STK24: variants seen among roughly 807,000 people sequenced by gnomAD.
STK24 encodes the protein serine/threonine-protein kinase 24.
In STK24, 21 loss-of-function variants were observed where a neutral mutation model predicts 55.6. The ratio of observed to expected loss-of-function variants is 0.38; its 90% CI spans 0.27 to 0.54. The LOEUF is 0.54. STK24 is among the 20% of genes least tolerant of loss of function. STK24 has a pLI of 0.79. For missense variants in STK24, 383 were observed against 538.4 expected (o/e 0.71, Z 2.86); for synonymous variants, 200 against 215.2 (o/e 0.93, Z 0.62).
intron 2 of STK24, among the ~76,000 whole-genome samples, chr13:98,501,742 A>T (rs1895471666): frequency 6.6e-6 from 1 of 152,216 alleles, no homozygotes; most frequent in Non-Finnish European, 1.5e-5. Flanking sequence ...GACACTGGCC[A>T]ATCCTCATGT....
At chr13:98,576,078 C>G in intron 1 of STK24, 1 of 984,784 alleles carries the variant, frequency 1.0e-6, no homozygotes, top group South Asian at 4.7e-5. Context: ...GGGCCGGGCC[C>G]GGGACCCTGG....
Position 98,446,719 on chromosome 13 carries a change from C to T in STK24, c.*6454G>A. On this transcript the variant is annotated 3_prime_UTR_variant, in exon 11 of 11. Transcript: ENST00000539966. ...TGCTCGGCTACTCGCTCACCATCCC[C>T]TCTGAGTCCGAGAACATCCAGAAAG... 1 of 1,614,192 alleles carries T rather than the reference C, an allele frequency of 6.2e-7. No homozygotes were observed. Among genetic ancestry groups the T allele is most frequent in the Non-Finnish European group, 8.5e-7 (1 of 1,180,028 alleles).
intron 2 of STK24, among the ~76,000 whole-genome samples, chr13:98,494,823 C>T (rs1294556360): frequency 6.6e-6 from 1 of 152,202 alleles, no homozygotes; most frequent in Non-Finnish European, 1.5e-5. Context: ...ACATGCAAAT[C>T]CAAGGGCACC....
chr13:98,446,054 G>A lies in STK24; in HGVS notation c.*7119C>T, dbSNP rs1250326778. 1.5e-6 allele frequency: 2 copies of A among 1,344,940 alleles called. No homozygotes were observed. The highest frequency in any genetic ancestry group is 4.6e-5 in the East Asian group (2 of 43,552). 83.3% of individuals were successfully genotyped at this position (1,344,940 alleles called of 1,614,324 possible). A position where few individuals can be genotyped will look rare whatever the true frequency, so the allele number is the denominator to read the frequency against. The stretch of plus-strand genomic sequence containing the variant: ...AGAGCTGCTCTCTGTGCCCTCCTGG[G>A]GCAGGTGCCCGCTGTGCTTCTCACA... On this transcript the variant is annotated 3_prime_UTR_variant, in exon 11 of 11. Transcript: ENST00000539966.
At chr13:98,543,553 C>T (rs1228850840) in intron 1 of STK24, among the ~76,000 whole-genome samples, 1 of 152,154 alleles carries the variant, frequency 6.6e-6, no homozygotes, top group Non-Finnish European at 1.5e-5. Flanking sequence ...GCAGGTGAGG[C>T]CAGGGTGGGC....
At chr13:98,480,496 C>A (rs1447137767) in intron 3 of STK24, among the ~76,000 whole-genome samples, 2 of 152,046 alleles carry the variant, frequency 1.3e-5, no homozygotes, top group African/African-American at 4.8e-5. Context: ...GGAAAGGAAC[C>A]AAAATAAGTT....
rs9584850 is a variant in STK24, at chr13:98,449,172, G to C, written c.*4001C>G. On this transcript the variant is annotated 3_prime_UTR_variant, in exon 11 of 11. Transcript: ENST00000539966. ...ATCAGCACCATTTGTGGTATGTTCCGTGATGAGCGTTTAGTGAGCCTGCTG... is the reference window on the plus strand; with the variant it reads ...ATCAGCACCATTTGTGGTATGTTCCCTGATGAGCGTTTAGTGAGCCTGCTG... The C allele has an allele frequency of 0.26, 39,571 of 152,126 alleles. 5,312 individuals are homozygous for C. The highest frequency in any genetic ancestry group is 0.3 in the Non-Finnish European group (20,512 of 67,998). 9.4% of individuals were successfully genotyped at this position (152,126 alleles called of 1,614,324 possible).
At chr13:98,481,630 A>G (rs1190504973) in intron 3 of STK24, among the ~76,000 whole-genome samples, 1 of 152,162 alleles carries the variant, frequency 6.6e-6, no homozygotes, top group Non-Finnish European at 1.5e-5. Flanking sequence ...AGTAAATAGA[A>G]CCTGTTTCAG....
In STK24 at chr13:98,450,302, G is replaced by GAAAT. The variant is rs1489504993; in HGVS notation, c.*2867_*2870dup. ...GCCTTTGCTGACACATTTTATAGCA[G>GAAAT]AAATACACAAGCTGTTTTTAAAGGA... On this transcript the variant is annotated 3_prime_UTR_variant, in exon 11 of 11. Transcript: ENST00000539966. 2 of 152,168 alleles carry GAAAT rather than the reference G, an allele frequency of 1.3e-5. No homozygotes were observed. Among genetic ancestry groups the GAAAT allele is most frequent in the South Asian group, 2.1e-4 (1 of 4,828 alleles). 9.4% of individuals were successfully genotyped at this position (152,168 alleles called of 1,614,324 possible). A position where few individuals can be genotyped will look rare whatever the true frequency, so the allele number is the denominator to read the frequency against.
At chr13:98,563,815 G>A (rs908247426) in intron 1 of STK24, among the ~76,000 whole-genome samples, 12 of 151,114 alleles carry the variant, frequency 7.9e-5, no homozygotes, top group African/African-American at 2.4e-4. Context: ...AGCTGAGATC[G>A]CGCCACTGCA....
intron 7 of STK24, 96 bp from the exon 8 acceptor site, chr13:98,461,993 C>G: frequency 6.7e-7 from 1 of 1,495,252 alleles, no homozygotes; most frequent in Non-Finnish European, 9.1e-7. Context: ...GACCTCTAAA[C>G]CCACACCCAC....
At chr13:98,478,422 C>T (rs767966353) in intron 3 of STK24, among the ~76,000 whole-genome samples, 5 of 152,220 alleles carry the variant, frequency 3.3e-5, no homozygotes, top group Non-Finnish European at 7.3e-5. Context: ...CAGACAGGAG[C>T]AAATGTGCCC....
intron 1 of STK24, among the ~76,000 whole-genome samples, chr13:98,541,770 T>C (rs903026789): frequency 2.0e-5 from 3 of 152,194 alleles, no homozygotes; most frequent in African/African-American, 2.4e-5. Context: ...CATGACACTT[T>C]ACCCTTTTAC....
At chr13:98,454,416 C>T (rs902682905) in intron 10 of STK24, 1 of 152,314 alleles carries the variant, frequency 6.6e-6, no homozygotes, top group East Asian at 1.9e-4. Context: ...TTATCTCAAA[C>T]GTTCCAATCT....
chr13:98,448,013 C>T lies in STK24; in HGVS notation c.*5160G>A, dbSNP rs1240920241. The stretch of plus-strand genomic sequence containing the variant: ...AATGGAGCGGGCAGTGTCACTGCAG[C>T]AAGGTACTTCCAGCTCCACACTGAG... On this transcript the variant is annotated 3_prime_UTR_variant, in exon 11 of 11. Transcript: ENST00000539966. 1 of 579,254 alleles carries T rather than the reference C, an allele frequency of 1.7e-6. No homozygotes were observed. Among genetic ancestry groups the T allele is most frequent in the Middle Eastern group, 4.6e-4 (1 of 2,160 alleles). The allele number at this position is 579,254 out of a possible 1,614,324, so 35.9% of individuals were successfully genotyped here. A position where few individuals can be genotyped will look rare whatever the true frequency, so the allele number is the denominator to read the frequency against.
At chr13:98,536,347 ATTC>A (rs1453399209) in intron 1 of STK24, among the ~76,000 whole-genome samples, 3 of 151,306 alleles carry the variant, frequency 2.0e-5, no homozygotes, top group Non-Finnish European at 2.9e-5. Context: ...TCTGTTGCAT[ATTC>A]TTCTTCTATC....
intron 2 of STK24, among the ~76,000 whole-genome samples, chr13:98,518,332 T>TA (rs1371909745): frequency 1.3e-5 from 2 of 152,214 alleles, no homozygotes. Flanking sequence ...AGTTGTAACT[T>TA]AGAGACTTTA....
In STK24 at chr13:98,448,559, T is replaced by G. The variant is rs1199237728; in HGVS notation, c.*4614A>C. 10 of 515,256 alleles carry G rather than the reference T, an allele frequency of 1.9e-5. No individual in the cohort carries two copies. In the Middle Eastern group the frequency reaches 2.1e-3, roughly 108 times the overall value. The allele number at this position is 515,256 out of a possible 1,614,324, so 31.9% of individuals were successfully genotyped here. On this transcript the variant is annotated 3_prime_UTR_variant, in exon 11 of 11. Coordinates refer to ENST00000539966, the MANE Select transcript of STK24 (RefSeq NM_001032296.4). Reference sequence around the variant, plus strand: ...GCTGTTCTTTAGCTAGTGCCAGTATTAAAACATTGTCATTACGAGAGTGCC... The same window carrying G: ...GCTGTTCTTTAGCTAGTGCCAGTATGAAAACATTGTCATTACGAGAGTGCC...
intron 1 of STK24, among the ~76,000 whole-genome samples, chr13:98,538,371 C>T (rs1285513029): frequency 6.6e-6 from 1 of 151,882 alleles, no homozygotes; most frequent in Admixed American, 6.6e-5. Flanking sequence ...GTTACAGGTG[C>T]CCACCACCAC....
Sources: allele counts gnomAD v4.1 joint callset (sites outside exome capture counted in the v4.1 genomes callset), GRCh38; gene constraint gnomAD v4.1.1; transcripts MANE v1.5; gene names NCBI Gene and HGNC (gene_info 2026-07-23, HGNC 2026-07-21).